CTHRC1: variants seen among roughly 807,000 people sequenced by gnomAD.
CTHRC1 encodes the protein collagen triple helix repeat-containing protein 1.
Under a neutral mutation model 25.9 loss-of-function variants are expected in CTHRC1, and 21 were observed. That is an observed-to-expected ratio of 0.81 (90% CI 0.57 to 1.17). The LOEUF is 1.17. Ranked by LOEUF, CTHRC1 falls within the 50% of genes most tolerant of loss-of-function variation. The probability of loss-of-function intolerance (pLI) is 0.00; values close to 1 mark genes in which losing one functional copy is unlikely to be tolerated. For synonymous variants in CTHRC1, 109 were observed against 113.1 expected, an observed-to-expected ratio of 0.96 and a Z score of 0.23; for missense variants, 281 against 304.3, an observed-to-expected ratio of 0.92 and a Z score of 0.57.
chr8:103,372,422 A>G (rs1373424446), intron 1 of CTHRC1: 56 of 1,481,990 alleles, frequency 3.8e-5, no homozygotes, highest in Non-Finnish European at 4.3e-5. Context: ...AGCTGGGGCT[A>G]GGAATGGTTC....
In CTHRC1 at chr8:103,382,550, A is replaced by G. The variant is rs143595509; in HGVS notation, c.682A>G (p.Thr228Ala). 6.2e-7 allele frequency: 1 copy of G among 1,613,610 alleles called. No individual in the cohort carries two copies. Among genetic ancestry groups the G allele is most frequent in the African/African-American group, 1.3e-5 (1 of 75,042 alleles). Residue 228 changes from threonine to alanine, a missense_variant, in exon 4 of 4, where the codon ACT becomes GCT. Thr to Ala is a moderately conservative substitution (Grantham distance 58, BLOSUM62 0). Transcript: ENST00000330295. Reference protein sequence around the residue: ...CSDYPKGDASTGWNSVSRIII... With the variant: ...CSDYPKGDASAGWNSVSRIII... ...AGATTACCCAAAAGGAGATGCTTCT[A>G]CTGGATGGAATTCAGTTTCTCGCAT...
At chr8:103,381,602 T>C (rs914280154) in intron 3 of CTHRC1, among the ~76,000 whole-genome samples, 5 of 152,158 alleles carry the variant, frequency 3.3e-5, no homozygotes, top group Non-Finnish European at 5.9e-5. Flanking sequence ...GGGGATTTTC[T>C]GTTTTATGTT....
rs1342576113 is a variant in CTHRC1, at chr8:103,381,099, GTAT to G, written c.590-1346_590-1344del. On this transcript the variant is annotated intron_variant, in intron 3 of 3. Coordinates refer to ENST00000330295, the MANE Select transcript of CTHRC1 (RefSeq NM_138455.4). ...GGATTCATTTTCTTTTTTTTCTTTA[GTAT>G]TATTATTATTATACTTTAAGTTCTA... Among the ~76,000 whole-genome samples the G allele has an allele frequency of 1.4e-4, 21 of 151,756 alleles. No homozygotes were observed. The East Asian group carries it at 3.7e-3, about 27-fold the overall frequency.
At chr8:103,376,173 A>C in intron 2 of CTHRC1, 1 of 609,066 alleles carries the variant, frequency 1.6e-6, no homozygotes, top group Non-Finnish European at 2.9e-6. Flanking sequence ...CATTTTAACC[A>C]TAGTATCTAA....
chr8:103,372,917 T>C (rs967075029), intron 1 of CTHRC1, among the ~76,000 whole-genome samples: 1 of 152,198 alleles, frequency 6.6e-6, no homozygotes, highest in African/African-American at 2.4e-5. Context: ...CCAAGTTCCC[T>C]GGCAGCTAGT....
rs1392903548 is a variant in CTHRC1, at chr8:103,371,655, C to G, written c.-2C>G. On this transcript the variant is annotated 5_prime_UTR_variant, in exon 1 of 4. Coordinates refer to ENST00000330295, the MANE Select transcript of CTHRC1 (RefSeq NM_138455.4). The stretch of plus-strand genomic sequence containing the variant: ...CTCCGCGCTGCCCGGCAGCCGGGAG[C>G]CATGCGACCCCAGGGCCCCGCCGCC... 5.2e-6 allele frequency: 8 copies of G among 1,533,384 alleles called. No homozygotes were observed. The highest frequency in any genetic ancestry group is 6.1e-6 in the Non-Finnish European group (7 of 1,141,498). The allele number at this position is 1,533,384 out of a possible 1,614,324, so 95.0% of individuals were successfully genotyped here.
At chr8:103,376,907 T>C (rs555483921) in intron 2 of CTHRC1, among the ~76,000 whole-genome samples, 12 of 152,378 alleles carry the variant, frequency 7.9e-5, no homozygotes, top group South Asian at 6.2e-4. Flanking sequence ...TGTGTGTTTC[T>C]AGAAAACATT....
At chr8:103,372,538 C>G in intron 1 of CTHRC1, 1 of 1,598,334 alleles carries the variant, frequency 6.3e-7, no homozygotes, top group Middle Eastern at 1.7e-4. Context: ...ATTACACACA[C>G]CCTGGGTCTT....
intron 2 of CTHRC1, chr8:103,377,036 T>A (rs909306016): frequency 2.6e-5 from 4 of 152,250 alleles, no homozygotes; most frequent in African/African-American, 9.6e-5. Context: ...GGGTTCTGAA[T>A]TATTAATATG....
At chr8:103,380,169 C>T (rs1164034323) in intron 3 of CTHRC1, among the ~76,000 whole-genome samples, 2 of 152,268 alleles carry the variant, frequency 1.3e-5, no homozygotes, top group African/African-American at 4.8e-5. Context: ...TTCAGACAGT[C>T]GTTGATATAA....
At chr8:103,373,428 C>T (rs1282318080) in intron 1 of CTHRC1, among the ~76,000 whole-genome samples, 1 of 145,996 alleles carries the variant, frequency 6.8e-6, no homozygotes, top group Non-Finnish European at 1.5e-5. Flanking sequence ...TATAAAAGTG[C>T]GCTTCCCTTC....
chr8:103,376,171 C>A, intron 2 of CTHRC1: 2 of 609,654 alleles, frequency 3.3e-6, no homozygotes, highest in Non-Finnish European at 2.9e-6. Flanking sequence ...ATCATTTTAA[C>A]CATAGTATCT....
intron 2 of CTHRC1, chr8:103,377,251 G>A (rs1473491788): frequency 6.6e-6 from 1 of 152,200 alleles, no homozygotes; most frequent in African/African-American, 2.4e-5. Context: ...ACTGTTTGCT[G>A]TTGCTCGAAA....
chr8:103,371,613 G>T lies in CTHRC1; in HGVS notation c.-44G>T, dbSNP rs1815696981. The T allele has an allele frequency of 1.3e-6, 2 of 1,525,360 alleles. No homozygotes were observed. The highest frequency in any genetic ancestry group is 1.8e-6 in the Non-Finnish European group (2 of 1,138,182). The allele number at this position is 1,525,360 out of a possible 1,614,324, so 94.5% of individuals were successfully genotyped here. ...GACGCTGACCACGTTCCTCTCCTCG[G>T]TCTCCTCCGCCTCCAGCTCCGCGCT... On this transcript the variant is annotated 5_prime_UTR_variant, in exon 1 of 4. Transcript: ENST00000330295.
chr8:103,372,958 A>G (rs1156600966), intron 1 of CTHRC1, among the ~76,000 whole-genome samples: 1 of 152,178 alleles, frequency 6.6e-6, no homozygotes, highest in Non-Finnish European at 1.5e-5. Context: ...GCTGGGAAAA[A>G]AATTCCCGCC....
chr8:103,374,654 C>T (rs1182777891), intron 1 of CTHRC1, among the ~76,000 whole-genome samples: 1 of 152,222 alleles, frequency 6.6e-6, no homozygotes, highest in East Asian at 1.9e-4. Context: ...AGTGGACACA[C>T]TTACCCAGAG....
intron 3 of CTHRC1, among the ~76,000 whole-genome samples, chr8:103,379,902 C>A (rs1428640081): frequency 6.6e-6 from 1 of 152,110 alleles, no homozygotes; most frequent in African/African-American, 2.4e-5. Flanking sequence ...GATTTTAACC[C>A]CCTCTCTTTG....
rs1815797553 is a variant in CTHRC1 at position 103,375,948 on chromosome 8, G to C, written c.361G>C (p.Gly121Arg). The C allele has an allele frequency of 1.9e-6, 3 of 1,612,808 alleles. No homozygotes were observed. The highest frequency in any genetic ancestry group is 2.7e-5 in the African/African-American group (2 of 74,966). Reference sequence around the variant, plus strand: ...TTCATTGAATTATGGCATAGATCTTGGGAAAATTGCGGTAAGTTTGAATTA... The same window carrying C: ...TTCATTGAATTATGGCATAGATCTTCGGAAAATTGCGGTAAGTTTGAATTA... ...WSSLNYGIDL[G>R]KIAECTFTKM... The change falls in exon 2 of 4, where the codon GGG becomes CGG. Residue 121 changes from glycine to arginine, a missense_variant. Gly to Arg is a moderately radical substitution (Grantham distance 125, BLOSUM62 -2). Transcript: ENST00000330295.
chr8:103,379,882 A>G (rs1379703119), intron 3 of CTHRC1, among the ~76,000 whole-genome samples: 1 of 152,186 alleles, frequency 6.6e-6, no homozygotes, highest in Non-Finnish European at 1.5e-5. Flanking sequence ...TCCTTGAAAC[A>G]TAAAGAAGAG....
Sources: allele counts gnomAD v4.1 joint callset (sites outside exome capture counted in the v4.1 genomes callset), GRCh38; gene constraint gnomAD v4.1.1; transcripts MANE v1.5; gene names NCBI Gene and HGNC (gene_info 2026-07-23, HGNC 2026-07-21).